Variants in BCL2L14 observed in about 807,000 individuals in gnomAD.
BCL2L14 encodes apoptosis facilitator Bcl-2-like protein 14.
BCL2L14 carries 27 observed loss-of-function variants against 35.3 expected under a neutral mutation model. That is an observed-to-expected ratio of 0.76 (90% CI 0.56 to 1.05). The LOEUF is 1.05. BCL2L14 is among the 50% of genes least tolerant of loss of function. The pLI is 0.00. For missense variants in BCL2L14, 377 were observed against 382.6 expected (o/e 0.99, Z 0.12); for synonymous variants, 139 against 145.9 (o/e 0.95, Z 0.34).
intron 3 of BCL2L14, among the ~76,000 whole-genome samples, chr12:12,090,459 G>A (rs1949158274): frequency 3.0e-5 from 3 of 99,794 alleles, no homozygotes; most frequent in Admixed American, 1.9e-4. Context: ...GTGAAACCTG[G>A]GTTTCTAGTA....
At chr12:12,090,725 G>A (rs1949168375) in intron 3 of BCL2L14, 54 bp from the exon 4 acceptor site, 2 of 1,444,518 alleles carry the variant, frequency 1.4e-6, no homozygotes, top group Non-Finnish European at 1.9e-6. Context: ...CTGGAAAAAT[G>A]TAAGATTATT....
chr12:12,087,480 C>G, intron 3 of BCL2L14, 94 bp downstream of exon 3: 8 of 1,364,856 alleles, frequency 5.9e-6, no homozygotes, highest in Non-Finnish European at 8.1e-6. Flanking sequence ...ACTTGACAGT[C>G]TCCGCTGCCT....
At chr12:12,093,747 C>T (rs970295082) in intron 4 of BCL2L14, among the ~76,000 whole-genome samples, 2 of 148,390 alleles carry the variant, frequency 1.3e-5, no homozygotes, top group Non-Finnish European at 3.0e-5. Context: ...GAGCTGAGAT[C>T]GCGCCTCTGC....
rs1326710830 is a variant in BCL2L14 at position 12,079,829 on chromosome 12, G to A, written c.433+91G>A. ...ACATCTCTTCTCATGTTGTAAAGTG[G>A]CTTTAGAGAAGGCATGCGTTGTGCC... On this transcript the variant is annotated intron_variant, in intron 2 of 5. Transcript: ENST00000308721. 6 of 1,349,372 alleles carry A rather than the reference G, an allele frequency of 4.4e-6. No homozygotes were observed. In the Admixed American group the frequency reaches 8.6e-5, roughly 19 times the overall value. The allele number at this position is 1,349,372 out of a possible 1,614,324, so 83.6% of individuals were successfully genotyped here.
chr12:12,073,474 G>A (rs750208813), intron 1 of BCL2L14, among the ~76,000 whole-genome samples: 9 of 152,094 alleles, frequency 5.9e-5, no homozygotes, highest in Non-Finnish European at 1.2e-4. Flanking sequence ...TGGTTTCCCC[G>A]ATTTCTGATG....
intron 2 of BCL2L14, among the ~76,000 whole-genome samples, chr12:12,060,515 T>TA (rs1948507685): frequency 9.5e-6 from 1 of 105,278 alleles, no homozygotes; most frequent in Non-Finnish European, 2.0e-5. Context: ...AACCTCGCCT[T>TA]CAAGGTGTAC....
At chr12:12,095,549 GC>G in intron 5 of BCL2L14, 1 of 985,332 alleles carries the variant, frequency 1.0e-6, no homozygotes, top group African/African-American at 1.7e-5. Context: ...CCTTAAGACT[GC>G]CATGTTCAAA....
At chr12:12,059,099 G>A (rs949471747) in intron 2 of BCL2L14, among the ~76,000 whole-genome samples, 2 of 152,206 alleles carry the variant, frequency 1.3e-5, no homozygotes, top group African/African-American at 2.4e-5. Flanking sequence ...AAACTCCGGT[G>A]CCGGTCACGG....
chr12:12,083,196 C>G (rs1370114256), intron 2 of BCL2L14, among the ~76,000 whole-genome samples: 1 of 152,104 alleles, frequency 6.6e-6, no homozygotes, highest in Non-Finnish European at 1.5e-5. Flanking sequence ...GATCTCCTGG[C>G]CTCGTGATCT....
intron 4 of BCL2L14, 41 bp downstream of exon 4, chr12:12,090,890 C>G (rs1040805717): frequency 1.4e-6 from 2 of 1,480,678 alleles, no homozygotes; most frequent in African/African-American, 2.8e-5. Context: ...TTTCTGTGCC[C>G]ATGCACTAGT....
upstream of BCL2L14, among the ~76,000 whole-genome samples, chr12:12,068,875 T>C (rs1200203275): frequency 1.3e-5 from 2 of 152,174 alleles, no homozygotes; most frequent in Admixed American, 1.3e-4. Flanking sequence ...GGCTGTTTGA[T>C]TGAGTATACG....
intron 2 of BCL2L14, among the ~76,000 whole-genome samples, chr12:12,058,578 C>A (rs892675562): frequency 6.6e-6 from 1 of 152,260 alleles, no homozygotes; most frequent in African/African-American, 2.4e-5. Flanking sequence ...AAAGCTCCCC[C>A]ACTGAGTACC....
chr12:12,074,939 G>A (rs1183972795), intron 1 of BCL2L14, among the ~76,000 whole-genome samples: 1 of 151,298 alleles, frequency 6.6e-6, no homozygotes, highest in Non-Finnish European at 1.5e-5. Flanking sequence ...CACGGTGCCA[G>A]CCAAGATGAT....
At chr12:12,081,802 C>T (rs951027997) in intron 2 of BCL2L14, among the ~76,000 whole-genome samples, 22 of 152,082 alleles carry the variant, frequency 1.4e-4, no homozygotes, top group African/African-American at 5.3e-4. Flanking sequence ...CGTGATCTGC[C>T]CACCTTGGGC....
chr12:12,092,985 T>C (rs1565487384), intron 4 of BCL2L14, among the ~76,000 whole-genome samples: 1 of 152,184 alleles, frequency 6.6e-6, no homozygotes, highest in Non-Finnish European at 1.5e-5. Context: ...CGTTTTCACA[T>C]GACAACCAGC....
At position 12,059,435 on chromosome 12, in the gene BCL2L14, CTCA is replaced by C. The variant is rs199569718; in HGVS notation, c.-272+7590_-272+7592del. The stretch of plus-strand genomic sequence containing the variant: ...CAATCCCTTATTTCTGCACCCTGAC[CTCA>C]TATCTCTGTGCCCCAATCCCTTATT... On this transcript the variant is annotated intron_variant, in intron 2 of 3. Coordinates refer to the BCL2L14 transcript ENST00000461264. Among the ~76,000 whole-genome samples, 1,431 of 152,110 alleles carry C rather than the reference CTCA, an allele frequency of 9.4e-3. 21 individuals are homozygous for C. The highest frequency in any genetic ancestry group is 0.032 in the African/African-American group (1,339 of 41,474).
Position 12,099,011 on chromosome 12 carries a change from A to C in BCL2L14, c.*23A>C, listed in dbSNP as rs1400431411. On this transcript the variant is annotated 3_prime_UTR_variant, in exon 6 of 6. Transcript: ENST00000308721. ...TGAAATATCAGATTTGTCATCAGGA[A>C]TACTCTTTGTCTACTGTGGTCCTGT... 1.9e-6 allele frequency: 3 copies of C among 1,573,210 alleles called. No individual in the cohort carries two copies. In the South Asian group the frequency reaches 3.3e-5, roughly 17 times the overall value.
At chr12:12,088,206 G>A (rs548359382) in intron 3 of BCL2L14, among the ~76,000 whole-genome samples, 2 of 152,274 alleles carry the variant, frequency 1.3e-5, no homozygotes, top group African/African-American at 2.4e-5. Context: ...TCTCTCCTGC[G>A]ACAGAGAGGG....
chr12:12,062,863 A>G (rs1040463747), intron 2 of BCL2L14, among the ~76,000 whole-genome samples: 4 of 152,194 alleles, frequency 2.6e-5, no homozygotes, highest in African/African-American at 9.7e-5. Flanking sequence ...CTTTATATCC[A>G]TTACAGTCCT....
Sources: gnomAD v4.1 joint callset for allele counts (sites outside exome capture counted in the v4.1 genomes callset) on GRCh38, gnomAD v4.1.1 for gene constraint, MANE v1.5 for transcripts, NCBI Gene and HGNC (gene_info 2026-07-23, HGNC 2026-07-21) for gene names.